Variants in TBC1D22A observed in about 807,000 individuals in gnomAD.
TBC1D22A encodes the protein putative GTPase activator.
A neutral mutation model predicts 60.2 loss-of-function variants in TBC1D22A; 38 were observed. That is an observed-to-expected ratio of 0.63 (90% CI 0.49 to 0.83). The LOEUF (loss-of-function observed/expected upper bound fraction) is 0.83. Ranked by LOEUF, TBC1D22A falls within the 40% of genes least tolerant of loss-of-function variation. The probability of loss-of-function intolerance (pLI) is 0.00; values close to 1 mark genes in which losing one functional copy is unlikely to be tolerated. For synonymous variants in TBC1D22A, 302 were observed against 281.7 expected (o/e 1.07, Z -0.72); for missense variants, 628 against 701.0 (o/e 0.90, Z 1.18).
intron 4 of TBC1D22A, among the ~76,000 whole-genome samples, chr22:46,848,868 C>T (rs2147266525): frequency 6.6e-6 from 1 of 150,920 alleles, no homozygotes; most frequent in South Asian, 2.1e-4. Flanking sequence ...CGTAATAGCA[C>T]CTCACTGCTT....
At chr22:47,059,617 T>G (rs991351651) in intron 11 of TBC1D22A, among the ~76,000 whole-genome samples, 5 of 152,164 alleles carry the variant, frequency 3.3e-5, no homozygotes, top group African/African-American at 1.2e-4. Context: ...ATTACCGATC[T>G]CCTGAAAGGC....
intron 9 of TBC1D22A, among the ~76,000 whole-genome samples, chr22:46,995,429 AT>A (rs2075087214): frequency 6.6e-6 from 1 of 152,032 alleles, no homozygotes; most frequent in Admixed American, 6.5e-5. Context: ...CCTCGTAGGC[AT>A]TTTTTGTGTT....
intron 8 of TBC1D22A, among the ~76,000 whole-genome samples, chr22:46,930,424 A>G (rs1165360669): frequency 1.3e-5 from 2 of 152,116 alleles, no homozygotes; most frequent in Non-Finnish European, 2.9e-5. Context: ...GATACTCAAC[A>G]TCCAAGAATT....
chr22:47,139,956 T>C (rs1047683556), intron 12 of TBC1D22A, among the ~76,000 whole-genome samples: 4 of 152,248 alleles, frequency 2.6e-5, no homozygotes, highest in African/African-American at 7.2e-5. Flanking sequence ...CACTCTGAAA[T>C]GTCAAGCTGT....
intron 5 of TBC1D22A, 67 bp downstream of exon 5, chr22:46,878,790 G>A (rs765805752): frequency 2.0e-6 from 3 of 1,494,262 alleles, no homozygotes; most frequent in Non-Finnish European, 2.8e-6. Flanking sequence ...CGTCTGGCCT[G>A]AGTAGGGCCT....
chr22:46,903,934 G>C (rs1057338326), intron 7 of TBC1D22A, among the ~76,000 whole-genome samples: 1 of 152,112 alleles, frequency 6.6e-6, no homozygotes, highest in African/African-American at 2.4e-5. Context: ...GCTGCCCGTG[G>C]ACGCACCTTC....
chr22:46,847,254 A>G (rs115047382), intron 4 of TBC1D22A, among the ~76,000 whole-genome samples: 1,754 of 152,320 alleles, frequency 0.012, 48 homozygotes, highest in African/African-American at 0.039. Context: ...AGAGATTGCC[A>G]CCATGGGAGA....
intron 11 of TBC1D22A, among the ~76,000 whole-genome samples, chr22:47,051,611 A>C (rs924101360): frequency 6.6e-6 from 1 of 152,100 alleles, no homozygotes; most frequent in Non-Finnish European, 1.5e-5. Flanking sequence ...GGTCCCCTCA[A>C]GGGGCCGGGC....
At chr22:46,887,103 C>T (rs76974874) in intron 5 of TBC1D22A, among the ~76,000 whole-genome samples, 1,873 of 152,292 alleles carry the variant, frequency 0.012, 31 homozygotes, top group African/African-American at 0.041. Flanking sequence ...GCAGGGCTCA[C>T]GTGTGGACTA....
chr22:46,846,550 G>C (rs916477921), intron 4 of TBC1D22A, among the ~76,000 whole-genome samples: 1 of 152,134 alleles, frequency 6.6e-6, no homozygotes, highest in African/African-American at 2.4e-5. Flanking sequence ...CATCAGGCCT[G>C]GGCCACCTTT....
At chr22:46,955,895 C>T (rs2073161062) in intron 8 of TBC1D22A, among the ~76,000 whole-genome samples, 1 of 152,312 alleles carries the variant, frequency 6.6e-6, no homozygotes, top group East Asian at 1.9e-4. Flanking sequence ...GAGCACGGGG[C>T]TCCCTGTGGA....
At chr22:46,801,424 G>T (rs756677374) in intron 4 of TBC1D22A, among the ~76,000 whole-genome samples, 3 of 152,240 alleles carry the variant, frequency 2.0e-5, no homozygotes, top group Non-Finnish European at 4.4e-5. Flanking sequence ...CTGTCCAGCG[G>T]AGTGCTGTTT....
At chr22:47,149,306 T>A (rs1277935330) in intron 12 of TBC1D22A, among the ~76,000 whole-genome samples, 1 of 152,232 alleles carries the variant, frequency 6.6e-6, no homozygotes, top group African/African-American at 2.4e-5. Context: ...CTCCGTGGCA[T>A]CCTGTGCGGC....
chr22:47,088,682 T>C (rs1224357981), intron 11 of TBC1D22A, among the ~76,000 whole-genome samples: 1 of 152,182 alleles, frequency 6.6e-6, no homozygotes, highest in Non-Finnish European at 1.5e-5. Flanking sequence ...AGTGTCACCC[T>C]AATGAAATGA....
In TBC1D22A at chr22:46,843,503, A is replaced by G. The variant is rs79214312; in HGVS notation, c.638-35150A>G. ...GCCACCTCAGCATGCCCCCTTTGTT[A>G]TCTGGGCCCAAAAGAGCACAGAGTG... is the stretch of plus-strand genomic sequence containing the variant. On this transcript the variant is annotated intron_variant, in intron 4 of 12. Coordinates refer to ENST00000337137, the MANE Select transcript of TBC1D22A (RefSeq NM_014346.5). Among the ~76,000 whole-genome samples the G allele has an allele frequency of 5.2e-3, 756 of 146,608 alleles. 15 individuals carry two copies. The highest frequency in any genetic ancestry group is 0.02 in the African/African-American group (708 of 36,234).
intron 1 of TBC1D22A, among the ~76,000 whole-genome samples, chr22:46,774,627 C>CCGTAAA (rs1236044463): frequency 6.6e-6 from 1 of 152,250 alleles, no homozygotes. Flanking sequence ...AGTCTGCCTT[C>CCGTAAA]CGTAAACGGC....
intron 4 of TBC1D22A, among the ~76,000 whole-genome samples, chr22:46,875,686 A>G (rs946418956): frequency 1.3e-5 from 2 of 152,124 alleles, no homozygotes; most frequent in Admixed American, 1.3e-4. Flanking sequence ...TCCTGACCTC[A>G]GTGATCTACC....
chr22:47,172,905 T>C lies in TBC1D22A; in HGVS notation c.1426-593T>C, dbSNP rs142459574. On this transcript the variant is annotated intron_variant, in intron 12 of 12. Coordinates refer to ENST00000337137, the MANE Select transcript of TBC1D22A (RefSeq NM_014346.5). ...GCTCCCGGGGTGGGCCTGAGCCGGC[T>C]CCGTTCTGTGATCCCCTCGTGTGGG... Among the ~76,000 whole-genome samples, 705 of 152,350 alleles carry C rather than the reference T, an allele frequency of 4.6e-3. 2 individuals are homozygous for C. The highest frequency in any genetic ancestry group is 8.1e-3 in the Non-Finnish European group (554 of 68,030).
chr22:47,095,484 TATC>T (rs1204340354), intron 11 of TBC1D22A, among the ~76,000 whole-genome samples: 1 of 152,256 alleles, frequency 6.6e-6, no homozygotes, highest in African/African-American at 2.4e-5. Flanking sequence ...AAAAAGTTTA[TATC>T]ATATATAAGT....
Sources: allele counts gnomAD v4.1 joint callset (sites outside exome capture counted in the v4.1 genomes callset), GRCh38; gene constraint gnomAD v4.1.1; transcripts MANE v1.5; gene names NCBI Gene and HGNC (gene_info 2026-07-23, HGNC 2026-07-21).